Variants in TRIM23 observed in about 807,000 individuals in gnomAD.
TRIM23 encodes E3 ubiquitin-protein ligase TRIM23.
TRIM23 carries 27 observed loss-of-function variants against 71.0 expected under a neutral mutation model. The ratio of observed to expected loss-of-function variants is 0.38; its 90% CI spans 0.28 to 0.52. The LOEUF (loss-of-function observed/expected upper bound fraction) is 0.52, where lower values mean the gene tolerates loss of function less well. TRIM23 is among the 20% of genes least tolerant of loss of function. The pLI is 0.84. For missense variants in TRIM23, 482 were observed against 692.3 expected (o/e 0.70, Z 3.41); for synonymous variants, 234 against 238.0 (o/e 0.98, Z 0.16).
chr5:65,609,586 C>G, intron 5 of TRIM23, 128 bp from the exon 6 acceptor site: 1 of 981,934 alleles, frequency 1.0e-6, no homozygotes, highest in South Asian at 1.7e-5. Context: ...AAAAATTAGC[C>G]AGCCGTGGTG....
chr5:65,613,342 GA>G (rs1754699580), intron 3 of TRIM23, among the ~76,000 whole-genome samples: 1 of 152,128 alleles, frequency 6.6e-6, no homozygotes, highest in Non-Finnish European at 1.5e-5. Context: ...TTAGTATAAA[GA>G]AATCATCATC....
At position 65,610,844 on chromosome 5, in the gene TRIM23, A is replaced by G. The variant is rs760744165; in HGVS notation, c.828+17T>C. ...ATAAAAAAGAATGAGAAAGTGAAGA[A>G]GAAAAAAAATCCATACATGTTCTGT... On this transcript the variant is annotated intron_variant, in intron 5 of 10. Coordinates refer to ENST00000231524, the MANE Select transcript of TRIM23 (RefSeq NM_001656.4). 6.4e-7 allele frequency: 1 copy of G among 1,555,558 alleles called. No individual in the cohort carries two copies. Among genetic ancestry groups the G allele is most frequent in the Admixed American group, 2.2e-5 (1 of 45,024 alleles).
At chr5:65,622,461 G>T (rs912208469) in intron 1 of TRIM23, among the ~76,000 whole-genome samples, 4 of 152,270 alleles carry the variant, frequency 2.6e-5, no homozygotes, top group African/African-American at 9.6e-5. Context: ...CTTTACAGGC[G>T]TGTGCCACCG....
At chr5:65,596,568 G>A (rs776510504) in intron 8 of TRIM23, 37 bp from the exon 9 acceptor site, 1 of 1,242,846 alleles carries the variant, frequency 8.0e-7, no homozygotes, top group African/African-American at 1.5e-5. Flanking sequence ...TACTATATTT[G>A]TATTTACAAT....
At chr5:65,613,809 T>C in intron 3 of TRIM23, 1 of 1,317,832 alleles carries the variant, frequency 7.6e-7, no homozygotes, top group Non-Finnish European at 9.9e-7. Flanking sequence ...ATATCTTTCT[T>C]ACTATTCCAT....
chr5:65,611,936 G>A (rs968056814), intron 3 of TRIM23, 55 bp from the exon 4 acceptor site: 64 of 1,500,236 alleles, frequency 4.3e-5, no homozygotes, highest in East Asian at 3.9e-4. Context: ...ATAACATGAC[G>A]AATTTTTAAA....
Position 65,613,869 on chromosome 5 carries a change from A to AG in TRIM23, c.366+228dup, listed in dbSNP as rs1338191431. On this transcript the variant is annotated intron_variant, in intron 3 of 10. Coordinates refer to ENST00000231524, the MANE Select transcript of TRIM23 (RefSeq NM_001656.4). ...TTCTTGGTAGAACTGAATTATGATA[A>AG]GGAAAAAAAAGTTCACACATAAAGC... The AG allele has an allele frequency of 2.1e-6, 3 of 1,435,422 alleles. No individual in the cohort carries two copies. The South Asian group carries it at 3.7e-5, about 18-fold the overall frequency. 88.9% of individuals were successfully genotyped at this position (1,435,422 alleles called of 1,614,324 possible). A position where few individuals can be genotyped will look rare whatever the true frequency, so the allele number is the denominator to read the frequency against.
intron 9 of TRIM23, 148 bp from the exon 10 acceptor site, chr5:65,594,793 G>A (rs1581174393): frequency 1.6e-6 from 1 of 640,984 alleles, no homozygotes; most frequent in Non-Finnish European, 2.4e-6. Flanking sequence ...GTATGGCAGG[G>A]GCACCTACAA....
Position 65,614,114 on chromosome 5 carries a change from A to G in TRIM23, c.350T>C (p.Ile117Thr), listed in dbSNP as rs1254049973. 5.6e-6 allele frequency: 9 copies of G among 1,613,696 alleles called. No homozygotes were observed. The East Asian group carries it at 1.3e-4, about 24-fold the overall frequency. The change falls in exon 3 of 11, where the codon ATT becomes ACT. Residue 117 changes from isoleucine to threonine, a missense_variant. This residue lies in a region of TRIM23 where 175 missense variants were observed against 196.5 expected (regional missense o/e 0.89). Coordinates refer to ENST00000231524, the MANE Select transcript of TRIM23 (RefSeq NM_001656.4). ...GATCAATACCTCTCCAGATATCCCAATGGATTCTTCTGCAGCTCCATACTG... is the reference window on the plus strand; with the variant it reads ...GATCAATACCTCTCCAGATATCCCAGTGGATTCTTCTGCAGCTCCATACTG... ...IGQYGAAEES[I>T]GISGESIIRC...
chr5:65,594,748 G>T, intron 9 of TRIM23, 103 bp from the exon 10 acceptor site: 1 of 1,080,726 alleles, frequency 9.3e-7, no homozygotes, highest in Non-Finnish European at 1.2e-6. Context: ...GTTAGAGTTT[G>T]TCTACCATCA....
At chr5:65,600,249 G>T (rs1754324489) in intron 7 of TRIM23, among the ~76,000 whole-genome samples, 1 of 152,094 alleles carries the variant, frequency 6.6e-6, no homozygotes, top group Non-Finnish European at 1.5e-5. Context: ...TGAGATTTGG[G>T]CAGGAACATA....
chr5:65,619,896 A>G (rs1168973420), intron 1 of TRIM23, among the ~76,000 whole-genome samples: 1 of 152,212 alleles, frequency 6.6e-6, no homozygotes, highest in Non-Finnish European at 1.5e-5. Context: ...AGCCTGGACA[A>G]CATGGTGAAA....
rs761000341 is a variant in TRIM23, at chr5:65,610,845, G to GA, written c.828+15dup. On this transcript the variant is annotated intron_variant, in intron 5 of 10. Coordinates refer to ENST00000231524, the MANE Select transcript of TRIM23 (RefSeq NM_001656.4). ...TAAAAAAGAATGAGAAAGTGAAGAAGAAAAAAAATCCATACATGTTCTGTG... is the reference window on the plus strand; with the variant it reads ...TAAAAAAGAATGAGAAAGTGAAGAAGAAAAAAAAATCCATACATGTTCTGTG... 1.4e-5 allele frequency: 21 copies of GA among 1,552,052 alleles called. No homozygotes were observed. The highest frequency in any genetic ancestry group is 4.5e-5 in the Admixed American group (2 of 44,788).
In TRIM23 at chr5:65,590,266, G is replaced by T; in HGVS notation, c.*1503C>A. 8.7e-7 allele frequency: 1 copy of T among 1,152,862 alleles called. No individual in the cohort carries two copies. Among genetic ancestry groups the T allele is most frequent in the Non-Finnish European group, 1.3e-6 (1 of 793,882 alleles). The allele number at this position is 1,152,862 out of a possible 1,614,324, so 71.4% of individuals were successfully genotyped here. A position where few individuals can be genotyped will look rare whatever the true frequency, so the allele number is the denominator to read the frequency against. On this transcript the variant is annotated 3_prime_UTR_variant, in exon 11 of 11. Transcript: ENST00000231524. ...AATTTAATTCGGAAGTATTATTTAT[G>T]CACACAAACTACACCTGTAACAGCA...
intron 9 of TRIM23, among the ~76,000 whole-genome samples, chr5:65,595,557 CAAAAA>C (rs34701696): frequency 1.1e-5 from 1 of 93,522 alleles, no homozygotes. Flanking sequence ...GACTCGATCT[CAAAAA>C]AAAAAAAAAA....
At position 65,624,221 on chromosome 5, in the gene TRIM23, C is replaced by A. The variant is rs1755048365; in HGVS notation, c.54G>T (p.Gln18His). The change falls in exon 1 of 11, where the codon CAG becomes CAT. Residue 18 changes from glutamine (Q) to histidine (H), a missense_variant. Transcript: ENST00000231524. ...KLGAGVDSGR[Q>H]GSRGTAVVKV... Reference sequence around the variant, plus strand: ...TCACTACAGCTGTCCCCCGGCTGCCCTGCCGGCCACTGTCTACTCCCGCTC... The same window carrying A: ...TCACTACAGCTGTCCCCCGGCTGCCATGCCGGCCACTGTCTACTCCCGCTC... The A allele has an allele frequency of 6.2e-7, 1 of 1,614,232 alleles. No individual in the cohort carries two copies. Among genetic ancestry groups the A allele is most frequent in the East Asian group, 2.2e-5 (1 of 44,884 alleles).
chr5:65,612,950 T>C (rs945814797), intron 3 of TRIM23, among the ~76,000 whole-genome samples: 1 of 152,192 alleles, frequency 6.6e-6, no homozygotes, highest in Non-Finnish European at 1.5e-5. Context: ...AAAAATTACA[T>C]GTCAGATAAT....
chr5:65,613,812 T>C, intron 3 of TRIM23: 1 of 1,322,584 alleles, frequency 7.6e-7, no homozygotes, highest in Non-Finnish European at 9.9e-7. Flanking sequence ...TCTTTCTTAC[T>C]ATTCCATAAT....
At chr5:65,613,066 G>C (rs1459870819) in intron 3 of TRIM23, among the ~76,000 whole-genome samples, 2 of 151,960 alleles carry the variant, frequency 1.3e-5, no homozygotes, top group African/African-American at 2.4e-5. Context: ...ATACATCAAT[G>C]GTGTCATTCT....
Sources: allele counts gnomAD v4.1 joint callset (sites outside exome capture counted in the v4.1 genomes callset), GRCh38; gene constraint gnomAD v4.1.1; regional missense constraint gnomAD v4.1.1; transcripts MANE v1.5; gene names NCBI Gene and HGNC (gene_info 2026-07-23, HGNC 2026-07-21).